SPTBN1: variants seen among roughly 807,000 people sequenced by gnomAD.
SPTBN1 encodes spectrin beta, non-erythrocytic 1.
SPTBN1 carries 32 observed loss-of-function variants against 266.4 expected under a neutral mutation model. The observed-to-expected ratio is 0.12, with a 90% CI of 0.09 to 0.16. SPTBN1 has a LOEUF of 0.16. Ranked by LOEUF, SPTBN1 falls within the 10% of genes least tolerant of loss-of-function variation. SPTBN1 has a pLI of 1.00. For missense variants in SPTBN1, 2,296 were observed against 3,067.1 expected, an observed-to-expected ratio of 0.75 and a Z score of 5.94; for synonymous variants, 1,336 against 1,162.2, an observed-to-expected ratio of 1.15 and a Z score of -3.04.
rs922656574 is a variant in SPTBN1, at chr2:54,626,571, A to G, written c.1644+337A>G. Among the ~76,000 whole-genome samples the G allele has an allele frequency of 6.6e-6, 1 of 152,074 alleles. No homozygotes were observed. Among genetic ancestry groups the G allele is most frequent in the Non-Finnish European group, 1.5e-5 (1 of 68,006 alleles). ...TTACCGTTTCATTGATCTGTGAGTG[A>G]GTGGTACTACTTTGGGCAGGGGTCC... On this transcript the variant is annotated intron_variant, in intron 12 of 35. Coordinates refer to ENST00000356805, the MANE Select transcript of SPTBN1 (RefSeq NM_003128.3). The surrounding 1 kb of genome is among the most constrained non-coding windows in gnomAD (Gnocchi z 4.7).
chr2:54,457,179 C>T (rs1316961637), intron 1 of SPTBN1: 5 of 138,858 alleles, frequency 3.6e-5, no homozygotes, highest in Non-Finnish European at 7.8e-5. Flanking sequence ...TTCTGCCGTC[C>T]CCACTCTCCC....
chr2:54,487,200 T>TAA (rs1668446404), intron 1 of SPTBN1, among the ~76,000 whole-genome samples: 3 of 144,252 alleles, frequency 2.1e-5, no homozygotes, highest in Admixed American at 7.1e-5. Flanking sequence ...TGCTGCTTTT[T>TAA]AACTTTTTCA....
chr2:54,534,491 A>T (rs1232709566), intron 2 of SPTBN1, among the ~76,000 whole-genome samples: 1 of 152,206 alleles, frequency 6.6e-6, no homozygotes, highest in Non-Finnish European at 1.5e-5. Flanking sequence ...TATTGAGAGA[A>T]AGTCTGTTGA....
intron 1 of SPTBN1, among the ~76,000 whole-genome samples, chr2:54,469,419 T>C (rs1693805207): frequency 6.6e-6 from 1 of 152,156 alleles, no homozygotes; most frequent in African/African-American, 2.4e-5. Flanking sequence ...CTTTTCACAG[T>C]TAAGAGGGAA....
chr2:54,546,974 AC>A (rs200619677), intron 2 of SPTBN1, among the ~76,000 whole-genome samples: 9 of 147,996 alleles, frequency 6.1e-5, no homozygotes, highest in Admixed American at 1.4e-4. Flanking sequence ...AAAAAAAAAA[AC>A]CACATAACAT....
At chr2:54,525,312 T>A (rs1216201469) in intron 1 of SPTBN1, among the ~76,000 whole-genome samples, 3 of 152,202 alleles carry the variant, frequency 2.0e-5, no homozygotes, top group African/African-American at 2.4e-5. Context: ...TGGTATGATG[T>A]CGGCTCAACC....
chr2:54,489,052 A>T (rs1668553777), intron 1 of SPTBN1, among the ~76,000 whole-genome samples: 1 of 151,364 alleles, frequency 6.6e-6, no homozygotes, highest in Non-Finnish European at 1.5e-5. Context: ...CAGACATGGT[A>T]GCTCATGCCT....
chr2:54,464,336 A>G (rs1373274178), intron 1 of SPTBN1, among the ~76,000 whole-genome samples: 12 of 152,352 alleles, frequency 7.9e-5, no homozygotes, highest in African/African-American at 2.9e-4. Context: ...AATTCAATGT[A>G]GTGCTTAAAA....
chr2:54,670,368 G>T lies in SPTBN1; in HGVS notation c.*1799G>T. On this transcript the variant is annotated 3_prime_UTR_variant, in exon 36 of 36. Transcript: ENST00000356805. ...TTGCATAAAGCAGCAATGGATATTA[G>T]TATTATGGATGTCCAGTAAGTTATT... is the stretch of plus-strand genomic sequence containing the variant. 2 of 228,830 alleles carry T rather than the reference G, an allele frequency of 8.7e-6. No homozygotes were observed. Among genetic ancestry groups the T allele is most frequent in the Middle Eastern group, 1.3e-3 (1 of 756 alleles). The allele number at this position is 228,830 out of a possible 1,614,324, so 14.2% of individuals were successfully genotyped here.
At chr2:54,563,763 C>T (rs934549304) in intron 2 of SPTBN1, among the ~76,000 whole-genome samples, 2 of 151,742 alleles carry the variant, frequency 1.3e-5, no homozygotes, top group African/African-American at 4.8e-5. Context: ...GCCACCACGC[C>T]CGGCTAATTT....
intron 2 of SPTBN1, among the ~76,000 whole-genome samples, chr2:54,536,027 A>G (rs1671578539): frequency 6.6e-6 from 1 of 152,190 alleles, no homozygotes; most frequent in South Asian, 2.1e-4. Flanking sequence ...TCTGTCTCAA[A>G]AATAGAGTAA....
chr2:54,615,225 C>G (rs550579388), intron 4 of SPTBN1, among the ~76,000 whole-genome samples: 71 of 151,988 alleles, frequency 4.7e-4, no homozygotes, highest in African/African-American at 1.7e-3. Flanking sequence ...TATATTTTGT[C>G]TTCATTTTCT....
At position 54,649,830 on chromosome 2, in the gene SPTBN1, A is replaced by G. The variant is rs1338829600; in HGVS notation, c.5418A>G (p.Glu1806=). The G allele has an allele frequency of 1.2e-6, 2 of 1,614,046 alleles. No homozygotes were observed. The highest frequency in any genetic ancestry group is 1.3e-5 in the African/African-American group (1 of 74,902). Residue 1806 remains glutamate (E), a synonymous_variant, in exon 26 of 36, where the codon GAA becomes GAG. Transcript: ENST00000356805. This position sits in a 1 kb window ranked among gnomAD's most constrained non-coding sequence, Gnocchi z 6.7. ...TRTQILAASY[E]LHKFYHDAKE... The stretch of plus-strand genomic sequence containing the variant: ...CACAGATTCTTGCCGCTTCCTATGA[A>G]CTGCACAAGTTTTACCACGATGCCA...
intron 23 of SPTBN1, 32 bp from the exon 24 acceptor site, chr2:54,647,099 G>T: frequency 1.2e-6 from 2 of 1,613,924 alleles, no homozygotes; most frequent in Non-Finnish European, 1.7e-6. Flanking sequence ...AGAGGGGACC[G>T]CTATGGTTGT....
intron 1 of SPTBN1, among the ~76,000 whole-genome samples, chr2:54,524,122 C>G (rs1456732397): frequency 6.6e-6 from 1 of 152,106 alleles, no homozygotes; most frequent in Non-Finnish European, 1.5e-5. Context: ...TTGCTTGAAC[C>G]CAGGAGGCGG....
chr2:54,487,166 A>ATTT (rs146845187), intron 1 of SPTBN1, among the ~76,000 whole-genome samples: 1 of 104,504 alleles, frequency 9.6e-6, no homozygotes, highest in African/African-American at 5.1e-5. Context: ...CCTCATTAGG[A>ATTT]TTTCTTTTTT....
chr2:54,620,776 G>A (rs1475464166), intron 7 of SPTBN1, among the ~76,000 whole-genome samples: 3 of 152,206 alleles, frequency 2.0e-5, no homozygotes, highest in Non-Finnish European at 2.9e-5. Flanking sequence ...AAAAAGGGAA[G>A]GAAAGTTATA....
chr2:54,556,702 C>CG (rs1472458519), intron 2 of SPTBN1, among the ~76,000 whole-genome samples: 1 of 150,804 alleles, frequency 6.6e-6, no homozygotes, highest in African/African-American at 2.4e-5. Flanking sequence ...TGTGTGTGGG[C>CG]GGGGGGTGAT....
chr2:54,549,580 T>G (rs1274539405), intron 2 of SPTBN1, among the ~76,000 whole-genome samples: 5 of 152,174 alleles, frequency 3.3e-5, no homozygotes, highest in Non-Finnish European at 7.3e-5. Flanking sequence ...CTGGTGTACT[T>G]TCCATTATTT....
Sources: allele counts gnomAD v4.1 joint callset (sites outside exome capture counted in the v4.1 genomes callset), GRCh38; gene constraint gnomAD v4.1.1; non-coding constraint Gnocchi (gnomAD v3.1); transcripts MANE v1.5; gene names NCBI Gene and HGNC (gene_info 2026-07-23, HGNC 2026-07-21).